Variants in GATA2 observed in about 807,000 individuals in gnomAD.
The protein encoded by GATA2 is endothelial transcription factor GATA-2.
GATA2 carries 6 observed loss-of-function variants against 35.7 expected under a neutral mutation model. The ratio of observed to expected loss-of-function variants is 0.17; its 90% CI spans 0.09 to 0.33. The LOEUF (loss-of-function observed/expected upper bound fraction) is 0.33. Among genes scored for constraint, GATA2 ranks in the 10% least tolerant of loss-of-function variants. GATA2 has a pLI of 1.00. For synonymous variants in GATA2, 313 were observed against 274.9 expected (o/e 1.14, Z -1.37); for missense variants, 541 against 656.6 (o/e 0.82, Z 1.92).
chr3:128,491,037 T>G (rs1364156013), intron 1 of GATA2, among the ~76,000 whole-genome samples: 1 of 152,190 alleles, frequency 6.6e-6, no homozygotes, highest in Non-Finnish European at 1.5e-5. Flanking sequence ...AAGGACCCTT[T>G]TGGCCCGAGA....
chr3:128,492,704 G>A (rs2068792117), intron 1 of GATA2, among the ~76,000 whole-genome samples, 195 bp downstream of exon 1: 4 of 152,216 alleles, frequency 2.6e-5, no homozygotes, highest in African/African-American at 9.6e-5. Context: ...AGGCGGGCCT[G>A]CTGTGCCCAG....
chr3:128,486,479 C>A, intron 2 of GATA2, 111 bp from the exon 3 acceptor site: 1 of 1,356,304 alleles, frequency 7.4e-7, no homozygotes, highest in Non-Finnish European at 1.0e-6. Flanking sequence ...AGCAGTCATC[C>A]CCTCCCCAAA....
chr3:128,486,107 G>A lies in GATA2; in HGVS notation c.491C>T (p.Ala164Val), dbSNP rs17844950. 2 of 1,613,292 alleles carry A rather than the reference G, an allele frequency of 1.2e-6. No individual in the cohort carries two copies. The highest frequency in any genetic ancestry group is 2.7e-5 in the African/African-American group (2 of 75,034). The change falls in exon 3 of 6, where the codon GCC becomes GTC. Residue 164 changes from alanine (A) to valine (V), a missense_variant. Physicochemically the swap from Ala to Val is moderately conservative, Grantham distance 64. Around this residue, in one of 5 missense-constraint regions of GATA2, gnomAD observed 389 missense variants for 396.9 expected, o/e 0.98. Coordinates refer to ENST00000341105, the MANE Select transcript of GATA2 (RefSeq NM_032638.5). ...SSVASLTPTA[A>V]HSGSHLFGFP... ...GCCGAAAAGGTGGGAGCCAGAGTGGGCTGCTGTAGGGGTGAGGGAGGCCAC... is the reference window on the plus strand; with the variant it reads ...GCCGAAAAGGTGGGAGCCAGAGTGGACTGCTGTAGGGGTGAGGGAGGCCAC...
At position 128,483,278 on chromosome 3, in the gene GATA2, C is replaced by G. The variant is rs1296477757; in HGVS notation, c.1017+582G>C. ...CTGAGCTGAGGAGACTCTAAAAACTCGCAGAGTCCGGAAACAGATACACGA... is the reference window on the plus strand; with the variant it reads ...CTGAGCTGAGGAGACTCTAAAAACTGGCAGAGTCCGGAAACAGATACACGA... On this transcript the variant is annotated intron_variant, in intron 4 of 5. Coordinates refer to ENST00000341105, the MANE Select transcript of GATA2 (RefSeq NM_032638.5). 6.6e-6 allele frequency among the ~76,000 whole-genome samples: 1 copy of G among 152,150 alleles called. No homozygotes were observed. Among genetic ancestry groups the G allele is most frequent in the East Asian group, 1.9e-4 (1 of 5,188 alleles).
chr3:128,482,197 G>A lies in GATA2; in HGVS notation c.1018-253C>T, dbSNP rs1576745574. ...CAACGGGATTGCAAGAGCTACAGAG[G>A]AGAATTAGCTACCTCCCCCAACTAC... On this transcript the variant is annotated intron_variant, in intron 4 of 5. Coordinates refer to ENST00000341105, the MANE Select transcript of GATA2 (RefSeq NM_032638.5). 3 of 542,784 alleles carry A rather than the reference G, an allele frequency of 5.5e-6. No homozygotes were observed. In the South Asian group the frequency reaches 6.3e-5, roughly 11 times the overall value. The allele number at this position is 542,784 out of a possible 1,614,324, so 33.6% of individuals were successfully genotyped here. A position where few individuals can be genotyped will look rare whatever the true frequency, so the allele number is the denominator to read the frequency against.
intron 4 of GATA2, among the ~76,000 whole-genome samples, chr3:128,482,272 C>A (rs1255638851): frequency 6.6e-6 from 1 of 152,174 alleles, no homozygotes; most frequent in Non-Finnish European, 1.5e-5. Context: ...GAGAAGGGCT[C>A]TCTAGTAGCA....
intron 4 of GATA2, among the ~76,000 whole-genome samples, chr3:128,482,955 A>G (rs2068649499): frequency 6.6e-6 from 1 of 152,214 alleles, no homozygotes; most frequent in Admixed American, 6.5e-5. Context: ...CCCAGGCCCA[A>G]GCCTGGTCAC....
intron 3 of GATA2, 24 bp from the exon 4 acceptor site, chr3:128,484,029 CG>C: frequency 1.9e-6 from 3 of 1,608,424 alleles, no homozygotes; most frequent in African/African-American, 1.3e-5. Context: ...GGGAGAGACA[CG>C]GGGGCCTGCT....
At chr3:128,486,398 GGGCAGAAAGATCAGGGTA>G in intron 2 of GATA2, 30 bp from the exon 3 acceptor site, 1 of 1,587,882 alleles carries the variant, frequency 6.3e-7, no homozygotes, top group South Asian at 1.1e-5. Context: ...GGATCAGGGT[GGGCAGAAAGATCAGGGTA>G]GGCAGAGCTA....
chr3:128,491,663 C>T (rs2068770149), intron 1 of GATA2, among the ~76,000 whole-genome samples: 1 of 152,204 alleles, frequency 6.6e-6, no homozygotes, highest in African/African-American at 2.4e-5. Context: ...AGTGCAGGCT[C>T]TCCCACCTCA....
rs1559987219 is a variant in GATA2, at chr3:128,486,000, C to G, written c.598G>C (p.Gly200Arg). The G allele has an allele frequency of 6.2e-7, 1 of 1,614,172 alleles. No individual in the cohort carries two copies. The highest frequency in any genetic ancestry group is 1.6e-4 in the Middle Eastern group (1 of 6,062). The part of the protein sequence containing the change: ...AASPASSSAG[G>R]SAARGEDKDG... Reference sequence around the variant, plus strand: ...TTGTCCTCTCCTCGGGCTGCACTACCCCCCGCGGAAGATGAGGCTGGAGAC... The same window carrying G: ...TTGTCCTCTCCTCGGGCTGCACTACGCCCCGCGGAAGATGAGGCTGGAGAC... The change falls in exon 3 of 6, where the codon GGT becomes CGT. Residue 200 changes from glycine (G) to arginine (R), a missense_variant. Gly to Arg is a moderately radical substitution (Grantham distance 125). Coordinates refer to ENST00000341105, the MANE Select transcript of GATA2 (RefSeq NM_032638.5).
intron 2 of GATA2, 116 bp from the exon 3 acceptor site, chr3:128,486,484 C>A: frequency 7.6e-7 from 1 of 1,321,560 alleles, no homozygotes; most frequent in South Asian, 1.3e-5. Context: ...TCATCCCCTC[C>A]CCAAAGAAAG....
At position 128,488,812 on chromosome 3, in the gene GATA2, G is replaced by C. The variant is rs369014932; in HGVS notation, c.-45-1736C>G. ...CCCACTCACTTCTAGCCCGGAGATC[G>C]GCTCTATGGTTCGTGTGGGCCGGGC... On this transcript the variant is annotated intron_variant, in intron 1 of 5. Transcript: ENST00000341105. The surrounding 1 kb of genome is among the most constrained non-coding windows in gnomAD (Gnocchi z 5.8). Among the ~76,000 whole-genome samples, 321 of 152,314 alleles carry C rather than the reference G, an allele frequency of 2.1e-3. No individual in the cohort carries two copies. Among genetic ancestry groups the C allele is most frequent in the African/African-American group, 7.3e-3 (305 of 41,580 alleles).
rs992962946 is a variant in GATA2 at position 128,479,523 on chromosome 3, T to C, written c.*1496A>G. On this transcript the variant is annotated 3_prime_UTR_variant, in exon 6 of 6. Transcript: ENST00000341105. Reference sequence around the variant, plus strand: ...ACAGACAATATATAAATGTTGTACATAATTAACAATAACTTAGTTCACTAA... The same window carrying C: ...ACAGACAATATATAAATGTTGTACACAATTAACAATAACTTAGTTCACTAA... 6 of 233,310 alleles carry C rather than the reference T, an allele frequency of 2.6e-5. No individual in the cohort carries two copies. Among genetic ancestry groups the C allele is most frequent in the Admixed American group, 1.7e-4 (3 of 17,782 alleles). The allele number at this position is 233,310 out of a possible 1,614,324, so 14.5% of individuals were successfully genotyped here.
Position 128,493,149 on chromosome 3 carries a change from C to T in GATA2, c.-296G>A, listed in dbSNP as rs2068798597. The T allele has an allele frequency of 6.6e-6, 1 of 152,246 alleles. No individual in the cohort carries two copies. Among genetic ancestry groups the T allele is most frequent in the African/African-American group, 2.4e-5 (1 of 41,470 alleles). 9.4% of individuals were successfully genotyped at this position (152,246 alleles called of 1,614,324 possible). ...AATAGACAGACTTGAGCAGCGAGTC[C>T]CGGGGCGACGCTGGCCTCGCTACCT... On this transcript the variant is annotated 5_prime_UTR_variant, in exon 1 of 6. Coordinates refer to ENST00000341105, the MANE Select transcript of GATA2 (RefSeq NM_032638.5).
chr3:128,479,715 G>A lies in GATA2; in HGVS notation c.*1304C>T, dbSNP rs1004450512. 4 of 233,624 alleles carry A rather than the reference G, an allele frequency of 1.7e-5. No individual in the cohort carries two copies. Among genetic ancestry groups the A allele is most frequent in the African/African-American group, 8.8e-5 (4 of 45,332 alleles). The allele number at this position is 233,624 out of a possible 1,614,324, so 14.5% of individuals were successfully genotyped here. Reference sequence around the variant, plus strand: ...ACTACATCAGCACAATCCTCCTCCTGGGCCAGGGGCCCCTCACAGGCCACC... The same window carrying A: ...ACTACATCAGCACAATCCTCCTCCTAGGCCAGGGGCCCCTCACAGGCCACC... On this transcript the variant is annotated 3_prime_UTR_variant, in exon 6 of 6. Transcript: ENST00000341105.
At position 128,486,350 on chromosome 3, in the gene GATA2, T is replaced by G. The variant is rs1426636606; in HGVS notation, c.248A>C (p.Gln83Pro). 6.2e-7 allele frequency: 1 copy of G among 1,601,896 alleles called. No individual in the cohort carries two copies. The highest frequency in any genetic ancestry group is 1.7e-5 in the Admixed American group (1 of 58,806). Reference sequence around the variant, plus strand: ...GTGCAACAAGTGTGGGCGGCACATCTGGCCTCCGGTCAGGCGGGCTGCGGG... The same window carrying G: ...GTGCAACAAGTGTGGGCGGCACATCGGGCCTCCGGTCAGGCGGGCTGCGGG... ...SPAHARLTGG[Q>P]MCRPHLLHSP... Residue 83 changes from glutamine (Q) to proline (P), a missense_variant, in exon 3 of 6, where the codon CAG becomes CCG. Physicochemically the swap from Gln to Pro is moderately conservative, Grantham distance 76. Coordinates refer to ENST00000341105, the MANE Select transcript of GATA2 (RefSeq NM_032638.5).
At chr3:128,491,636 C>T (rs1212627052) in intron 1 of GATA2, among the ~76,000 whole-genome samples, 1 of 152,230 alleles carries the variant, frequency 6.6e-6, no homozygotes, top group Non-Finnish European at 1.5e-5. Flanking sequence ...AAGCAGAAGG[C>T]TCCCTCCCTC....
At chr3:128,491,219 C>CG (rs1491088248) in intron 1 of GATA2, among the ~76,000 whole-genome samples, 7 of 88,388 alleles carry the variant, frequency 7.9e-5, no homozygotes, top group Admixed American at 2.2e-4. Context: ...CCCCCCCCCC[C>CG]CTCTGAGCCC....
Sources: gnomAD v4.1 joint callset for allele counts (sites outside exome capture counted in the v4.1 genomes callset) on GRCh38, gnomAD v4.1.1 for gene constraint, gnomAD v4.1.1 regional missense constraint, Gnocchi (gnomAD v3.1) non-coding constraint, MANE v1.5 for transcripts, NCBI Gene and HGNC (gene_info 2026-07-23, HGNC 2026-07-21) for gene names.